Variants in ACY1 observed in about 807,000 individuals in gnomAD.
The protein encoded by ACY1 is aminoacylase-1.
In ACY1, 38 loss-of-function variants were observed where a neutral mutation model predicts 53.3. The ratio of observed to expected loss-of-function variants is 0.71; its 90% CI spans 0.55 to 0.93. The LOEUF (loss-of-function observed/expected upper bound fraction) is 0.93, where lower values mean the gene tolerates loss of function less well. Ranked by LOEUF, ACY1 falls within the 40% of genes least tolerant of loss-of-function variation. ACY1 has a pLI of 0.00. For missense variants in ACY1, 484 were observed against 540.9 expected (o/e 0.89, Z 1.04); for synonymous variants, 177 against 202.1 (o/e 0.88, Z 1.05).
rs1700986330 is a variant in ACY1 at position 51,984,400 on chromosome 3, A to C, written c.94+242A>C. The C allele has an allele frequency of 2.1e-5, 12 of 583,750 alleles. No homozygotes were observed. The South Asian group carries it at 2.1e-4, about 10-fold the overall frequency. The allele number at this position is 583,750 out of a possible 1,614,324, so 36.2% of individuals were successfully genotyped here. On this transcript the variant is annotated intron_variant, in intron 2 of 14. Transcript: ENST00000636358. ...TACTCCTGGCAGCTGGTTAAAGAAA[A>C]ACTTCACCTCACTCTCCAGGGCAGG...
At chr3:51,987,882 A>G in intron 12 of ACY1, 1 of 471,792 alleles carries the variant, frequency 2.1e-6, no homozygotes, top group East Asian at 4.0e-5. Context: ...ATGTGATATT[A>G]CTTTTTTCTG....
At chr3:51,984,232 C>A in intron 2 of ACY1, 74 bp downstream of exon 2, 1 of 1,378,534 alleles carries the variant, frequency 7.3e-7, no homozygotes, top group Non-Finnish European at 1.0e-6. Context: ...CAGCCTCCAA[C>A]CCCTGTCACC....
intron 5 of ACY1, 103 bp from the exon 6 acceptor site, chr3:51,986,152 C>T (rs780541325): frequency 3.2e-6 from 4 of 1,254,988 alleles, no homozygotes; most frequent in Non-Finnish European, 4.6e-6. Context: ...CAGGGTGTGG[C>T]AGGGTAAAGT....
chr3:51,989,088 C>G lies in ACY1; in HGVS notation c.*13C>G. The G allele has an allele frequency of 8.7e-6, 14 of 1,612,768 alleles. No homozygotes were observed. Among genetic ancestry groups the G allele is most frequent in the Non-Finnish European group, 1.2e-5 (14 of 1,180,012 alleles). On this transcript the variant is annotated 3_prime_UTR_variant, in exon 15 of 15. Transcript: ENST00000636358. Reference sequence around the variant, plus strand: ...CAGTGACAGCTGAGCCCTGGAACTCCTAAACCTTTGCCCCTGGGGCTTCCA... The same window carrying G: ...CAGTGACAGCTGAGCCCTGGAACTCGTAAACCTTTGCCCCTGGGGCTTCCA...
chr3:51,986,584 G>A (rs1701067298), intron 7 of ACY1, 21 bp from the exon 8 acceptor site: 3 of 1,614,046 alleles, frequency 1.9e-6, no homozygotes, highest in Non-Finnish European at 1.7e-6. Context: ...TCCACCCTCT[G>A]AACCCCCTTT....
At position 51,986,336 on chromosome 3, in the gene ACY1, G is replaced by A; in HGVS notation, c.436+5G>A. ...TCCACATGACCTTTGTGCCTGGTAG[G>A]AGTGGCTCAGATACCTTTGGGAAAG... is the stretch of plus-strand genomic sequence containing the variant. On this transcript the variant is annotated splice_donor_5th_base_variant and intron_variant, in intron 6 of 14. Transcript: ENST00000636358. 1.3e-6 allele frequency: 2 copies of A among 1,581,752 alleles called. No individual in the cohort carries two copies. Among genetic ancestry groups the A allele is most frequent in the Non-Finnish European group, 1.7e-6 (2 of 1,158,662 alleles).
At position 51,983,608 on chromosome 3, in the gene ACY1, G is replaced by T; in HGVS notation, c.-19+19G>T. 1 of 269,168 alleles carries T rather than the reference G, an allele frequency of 3.7e-6. No homozygotes were observed. The highest frequency in any genetic ancestry group is 7.3e-6 in the Non-Finnish European group (1 of 137,578). The allele number at this position is 269,168 out of a possible 1,614,324, so 16.7% of individuals were successfully genotyped here. A position where few individuals can be genotyped will look rare whatever the true frequency, so the allele number is the denominator to read the frequency against. On this transcript the variant is annotated intron_variant, in intron 1 of 14. Coordinates refer to ENST00000636358, the MANE Select transcript of ACY1 (RefSeq NM_000666.3). ...GAGTGAGGTGGGGGCCCTGGGGAGG[G>T]ATAGAGGGACTGGGGCTCCGTGGCT...
At chr3:51,987,912 C>G (rs1701131123) in intron 12 of ACY1, 2 of 398,606 alleles carry the variant, frequency 5.0e-6, no homozygotes. Context: ...CACTCCGTCA[C>G]CCAGGCTGCA....
rs1701111612 is a variant in ACY1, at chr3:51,987,414, C to T, written c.813C>T (p.Ala271=). 1 of 1,614,088 alleles carries T rather than the reference C, an allele frequency of 6.2e-7. No homozygotes were observed. Among genetic ancestry groups the T allele is most frequent in the African/African-American group, 1.3e-5 (1 of 74,940 alleles). The change falls in exon 11 of 15, where the codon GCC becomes GCT. Residue 271 remains alanine, a synonymous_variant. Transcript: ENST00000636358. ...ACGTGATACCTGCCACCATGAGCGC[C>T]AGCTTTGACTTCCGTGTGGCACCGG... ...AYNVIPATMS[A]SFDFRVAPDV...
chr3:51,987,144 T>A lies in ACY1; in HGVS notation c.658-3T>A. The A allele has an allele frequency of 6.2e-7, 1 of 1,614,062 alleles. No individual in the cohort carries two copies. The highest frequency in any genetic ancestry group is 8.5e-7 in the Non-Finnish European group (1 of 1,179,990). On this transcript the variant is annotated splice_polypyrimidine_tract_variant and splice_region_variant and intron_variant, in intron 9 of 14. Transcript: ENST00000636358. ...TGTCCCATTTAACCTCATATTCTCA[T>A]AGCACAAGGTTGTAAACTCCATCCT...
intron 9 of ACY1, 28 bp downstream of exon 9, chr3:51,987,089 G>A: frequency 6.2e-7 from 1 of 1,614,094 alleles, no homozygotes; most frequent in Non-Finnish European, 8.5e-7. Context: ...AGGGAGTCTG[G>A]GAGTTCAGGA....
At chr3:51,987,777 G>A in intron 12 of ACY1, 153 bp downstream of exon 12, 1 of 822,552 alleles carries the variant, frequency 1.2e-6, no homozygotes, top group Non-Finnish European at 1.9e-6. Flanking sequence ...TCATTGTAGA[G>A]GCCACTGTGG....
At chr3:51,988,392 T>C (rs2106842098) in intron 12 of ACY1, 132 bp from the exon 13 acceptor site, 1 of 810,318 alleles carries the variant, frequency 1.2e-6, no homozygotes, top group Non-Finnish European at 2.1e-6. Context: ...CTGGACTGGC[T>C]ACCCAGATGT....
intron 12 of ACY1, 180 bp downstream of exon 12, chr3:51,987,804 T>A (rs1701128225): frequency 1.5e-6 from 1 of 672,976 alleles, no homozygotes; most frequent in East Asian, 2.8e-5. Flanking sequence ...GGGAATGCTG[T>A]GGGGAGTAAA....
chr3:51,986,438 G>A lies in ACY1; in HGVS notation c.460G>A (p.Gly154Ser). 6.2e-7 allele frequency: 1 copy of A among 1,612,664 alleles called. No individual in the cohort carries two copies. Among genetic ancestry groups the A allele is most frequent in the Non-Finnish European group, 8.5e-7 (1 of 1,179,314 alleles). ...AGATGAGGAGGTTGGGGGTCACCAA[G>A]GCATGGAGCTGTTCGTGCAGCGGCC... ...VPDEEVGGHQ[G>S]MELFVQRPEF... Residue 154 changes from glycine (G) to serine (S), a missense_variant, in exon 7 of 15, where the codon GGC becomes AGC. Gly to Ser is a moderately conservative substitution (Grantham distance 56). Coordinates refer to ENST00000636358, the MANE Select transcript of ACY1 (RefSeq NM_000666.3).
chr3:51,985,397 C>T lies in ACY1; in HGVS notation c.196C>T (p.Pro66Ser). The change falls in exon 4 of 15, where the codon CCA becomes TCA. Residue 66 changes from proline (P) to serine (S), a missense_variant. Coordinates refer to ENST00000636358, the MANE Select transcript of ACY1 (RefSeq NM_000666.3). ...CTATGTGGTGACCGTGTTGACCTGG[C>T]CAGGCACCAACCCTACACTCTCCTC... ...PGYVVTVLTW[P>S]GTNPTLSSIL... The T allele has an allele frequency of 6.2e-7, 1 of 1,614,160 alleles. No individual in the cohort carries two copies.
intron 1 of ACY1, 129 bp downstream of exon 1, chr3:51,983,718 C>A: frequency 6.5e-6 from 2 of 305,462 alleles, no homozygotes; most frequent in Middle Eastern, 9.5e-4. Flanking sequence ...TTTAGGAGGG[C>A]GGGGGGAGTA....
intron 8 of ACY1, 135 bp from the exon 9 acceptor site, chr3:51,986,853 T>A (rs915858311): frequency 8.9e-6 from 11 of 1,237,808 alleles, no homozygotes; most frequent in African/African-American, 1.5e-5. Context: ...ACCAGCTGTA[T>A]GCTACGGGCC....
At chr3:51,983,906 G>A in intron 1 of ACY1, 141 bp from the exon 2 acceptor site, 1 of 693,780 alleles carries the variant, frequency 1.4e-6, no homozygotes, top group Non-Finnish European at 2.6e-6. Context: ...AAACAGAATG[G>A]GTGCTCCTTA....
Sources: allele counts gnomAD v4.1 joint callset, GRCh38; gene constraint gnomAD v4.1.1; transcripts MANE v1.5; gene names NCBI Gene and HGNC (gene_info 2026-07-23, HGNC 2026-07-21).